The following DNAH8 variants were observed in gnomAD, a reference collection of about 807,000 sequenced individuals.
DNAH8 encodes the protein axonemal beta dynein heavy chain 8.
A neutral mutation model predicts 562.1 loss-of-function variants in DNAH8; 382 were observed. The ratio of observed to expected loss-of-function variants is 0.68; its 90% CI spans 0.63 to 0.74. The LOEUF is 0.74. DNAH8 is among the 30% of genes least tolerant of loss of function. DNAH8 has a pLI of 0.00. For synonymous variants in DNAH8, 1,881 were observed against 1,919.4 expected, an observed-to-expected ratio of 0.98 and a Z score of 0.52; for missense variants, 5,203 against 5,620.4, an observed-to-expected ratio of 0.93 and a Z score of 2.37.
chr6:38,805,211 G>T (rs1771157649), intron 22 of DNAH8, among the ~76,000 whole-genome samples: 2 of 152,120 alleles, frequency 1.3e-5, no homozygotes, highest in Non-Finnish European at 2.9e-5. Context: ...AAAGATAATA[G>T]GTAAAACTCT....
At chr6:38,845,514 A>G in intron 35 of DNAH8, 60 bp from the exon 36 acceptor site, 1 of 1,375,962 alleles carries the variant, frequency 7.3e-7, no homozygotes, top group African/African-American at 1.4e-5. Flanking sequence ...CTATGATTTG[A>G]TGATGCACTT....
At chr6:38,983,695 T>C (rs1273346936) in intron 86 of DNAH8, among the ~76,000 whole-genome samples, 1 of 152,226 alleles carries the variant, frequency 6.6e-6, no homozygotes, top group Non-Finnish European at 1.5e-5. Flanking sequence ...AATATTTTGA[T>C]GTAGTTTTAG....
chr6:38,774,101 G>A (rs956286704), intron 12 of DNAH8, among the ~76,000 whole-genome samples: 3 of 152,170 alleles, frequency 2.0e-5, no homozygotes, highest in African/African-American at 4.8e-5. Flanking sequence ...TAGCAAGAAC[G>A]AAATGTGTGC....
chr6:38,944,249 C>G (rs916821568), intron 79 of DNAH8, among the ~76,000 whole-genome samples: 1 of 151,972 alleles, frequency 6.6e-6, no homozygotes, highest in Non-Finnish European at 1.5e-5. Context: ...GCAGAGGGGC[C>G]GACAGTAAGA....
At chr6:39,010,534 A>G (rs1766119590) in intron 89 of DNAH8, among the ~76,000 whole-genome samples, 1 of 152,118 alleles carries the variant, frequency 6.6e-6, no homozygotes, top group Non-Finnish European at 1.5e-5. Context: ...GCATGTCTCT[A>G]TCTCAAGTAA....
chr6:38,741,590 T>G, intron 7 of DNAH8, 121 bp from the exon 8 acceptor site: 1 of 793,672 alleles, frequency 1.3e-6, no homozygotes, highest in Admixed American at 3.2e-5. Flanking sequence ...ACTGAGAGTT[T>G]TTAAACATTA....
Position 38,938,163 on chromosome 6 carries a change from T to G in DNAH8, c.11753T>G (p.Val3918Gly). 2 of 1,614,008 alleles carry G rather than the reference T, an allele frequency of 1.2e-6. No homozygotes were observed. The highest frequency in any genetic ancestry group is 1.7e-6 in the Non-Finnish European group (2 of 1,179,992). The stretch of plus-strand genomic sequence containing the variant: ...TTCCTCATCACAGAGATGAGCATGG[T>G]CAACATCATGTATCAGACGTCATTG... ...LYFLITEMSM[V>G]NIMYQTSLAQ... Residue 3918 changes from valine (V) to glycine (G), a missense_variant, in exon 78 of 93, where the codon GTC becomes GGC. Val to Gly is a moderately radical substitution (Grantham distance 109). Around this residue, in one of 6 missense-constraint regions of DNAH8, gnomAD observed 1,399 missense variants for 1,518.4 expected, o/e 0.92. Coordinates refer to ENST00000327475, the MANE Select transcript of DNAH8 (RefSeq NM_001206927.2).
rs1244685150 is a variant in DNAH8, at chr6:38,755,955, A to G, written c.1408-17A>G. On this transcript the variant is annotated splice_polypyrimidine_tract_variant and intron_variant, in intron 9 of 92. Transcript: ENST00000327475. ...ATATGCATATGATGGAATTCACTTAATTTGTTTCAATGTTAGGTTTCCATG... is the reference window on the plus strand; with the variant it reads ...ATATGCATATGATGGAATTCACTTAGTTTGTTTCAATGTTAGGTTTCCATG... 3 of 1,401,354 alleles carry G rather than the reference A, an allele frequency of 2.1e-6. No homozygotes were observed. The highest frequency in any genetic ancestry group is 3.0e-6 in the Non-Finnish European group (3 of 987,500). 86.8% of individuals were successfully genotyped at this position (1,401,354 alleles called of 1,614,324 possible).
At chr6:38,791,521 G>A in intron 20 of DNAH8, 34 bp from the exon 21 acceptor site, 5 of 1,586,772 alleles carry the variant, frequency 3.2e-6, no homozygotes, top group South Asian at 1.2e-5. Flanking sequence ...AAGGAAAGAA[G>A]AGTTTTTTTT....
At chr6:38,747,614 T>A (rs980758931) in intron 8 of DNAH8, among the ~76,000 whole-genome samples, 3 of 152,194 alleles carry the variant, frequency 2.0e-5, no homozygotes, top group African/African-American at 7.2e-5. Flanking sequence ...CTTGAACTCC[T>A]GACCTCGTGA....
At chr6:38,960,492 C>T (rs1762542240) in intron 82 of DNAH8, among the ~76,000 whole-genome samples, 1 of 149,638 alleles carries the variant, frequency 6.7e-6, no homozygotes, top group African/African-American at 2.4e-5. Context: ...CAAAATAAGA[C>T]ATATAAATTG....
intron 7 of DNAH8, among the ~76,000 whole-genome samples, chr6:38,739,701 T>TG (rs2127583678): frequency 6.6e-6 from 1 of 152,332 alleles, no homozygotes; most frequent in African/African-American, 2.4e-5. Context: ...AAAATGTCCT[T>TG]GCGTTTCTCT....
rs373093369 is a variant in DNAH8 at position 38,765,396 on chromosome 6, G to A, written c.1617+3593G>A. Among the ~76,000 whole-genome samples the A allele has an allele frequency of 6.6e-5, 10 of 152,068 alleles. No individual in the cohort carries two copies. In the South Asian group the frequency reaches 1.0e-3, roughly 16 times the overall value. On this transcript the variant is annotated intron_variant, in intron 11 of 92. Coordinates refer to ENST00000327475, the MANE Select transcript of DNAH8 (RefSeq NM_001206927.2). ...AATCATTGCCAAGTAGCTTTTCCCC[G>A]ACATTTTCCTCTAGTAATTTTACAG...
At chr6:39,022,800 G>T (rs940971720) in intron 91 of DNAH8, among the ~76,000 whole-genome samples, 2 of 152,226 alleles carry the variant, frequency 1.3e-5, no homozygotes, top group Non-Finnish European at 2.9e-5. Context: ...TGCTGGTGTA[G>T]TGGGCAGCTG....
chr6:39,026,591 G>T lies in DNAH8; in HGVS notation c.13760G>T (p.Gly4587Val), dbSNP rs1767303606. ...MRQEVTRAHK[G>V]WALDTVTIHN... The stretch of plus-strand genomic sequence containing the variant: ...CAAGAAGTGACCCGTGCCCACAAAG[G>T]CTGGGCACTGGACACTGTGACCATC... The change falls in exon 92 of 93, where the codon GGC becomes GTC. Residue 4587 changes from glycine to valine, a missense_variant. Around this residue, in one of 6 missense-constraint regions of DNAH8, gnomAD observed 1,399 missense variants for 1,518.4 expected, o/e 0.92. Transcript: ENST00000327475. The T allele has an allele frequency of 1.2e-6, 2 of 1,612,826 alleles. No individual in the cohort carries two copies. The highest frequency in any genetic ancestry group is 2.7e-5 in the African/African-American group (2 of 75,008).
In DNAH8 at chr6:38,970,285, C is replaced by T. The variant is rs186465756; in HGVS notation, c.12452-1307C>T. ...ATAAGTGGGGCTCGATATCTATCCA[C>T]GATCCAGAGGCTCCTCCCATTCAAG... On this transcript the variant is annotated intron_variant, in intron 82 of 92. Transcript: ENST00000327475. Among the ~76,000 whole-genome samples the T allele has an allele frequency of 2.1e-3, 327 of 152,270 alleles. 2 individuals are homozygous for T. The highest frequency in any genetic ancestry group is 7.3e-3 in the African/African-American group (305 of 41,542).
chr6:38,800,764 C>T (rs180910807), intron 21 of DNAH8, among the ~76,000 whole-genome samples: 114 of 152,238 alleles, frequency 7.5e-4, no homozygotes, highest in Middle Eastern at 3.4e-3. Context: ...TGATCTGCCT[C>T]CCCCTCAAGT....
At chr6:38,737,324 C>T in intron 6 of DNAH8, 68 bp downstream of exon 6, 2 of 988,982 alleles carry the variant, frequency 2.0e-6, no homozygotes, top group Non-Finnish European at 2.7e-6. Context: ...ATTTCATAAA[C>T]AGAGAAAAAG....
At chr6:38,720,259 G>A (rs533928655) in intron 1 of DNAH8, among the ~76,000 whole-genome samples, 58 of 152,168 alleles carry the variant, frequency 3.8e-4, no homozygotes, top group Non-Finnish European at 7.8e-4. Context: ...TATCCCTGAG[G>A]ACAGCCAGAG....
Sources: allele counts gnomAD v4.1 joint callset (sites outside exome capture counted in the v4.1 genomes callset), GRCh38; gene constraint gnomAD v4.1.1; regional missense constraint gnomAD v4.1.1; transcripts MANE v1.5; gene names NCBI Gene and HGNC (gene_info 2026-07-23, HGNC 2026-07-21).